The following POLA2 variants were observed in gnomAD, a reference collection of about 807,000 sequenced individuals.
POLA2 encodes the protein DNA polymerase alpha 2, accessory subunit, also known as DNA polymerase alpha subunit B.
A neutral mutation model predicts 82.8 loss-of-function variants in POLA2; 47 were observed. The observed-to-expected ratio is 0.57, with a 90% CI of 0.45 to 0.72. POLA2 has a LOEUF of 0.72. Among genes scored for constraint, POLA2 ranks in the 30% least tolerant of loss-of-function variants. The probability of loss-of-function intolerance (pLI) is 0.00; values close to 1 mark genes in which losing one functional copy is unlikely to be tolerated. For synonymous variants in POLA2, 287 were observed against 286.8 expected, an observed-to-expected ratio of 1.00 and a Z score of -0.01; for missense variants, 634 against 728.1, an observed-to-expected ratio of 0.87 and a Z score of 1.49.
intron 4 of POLA2, among the ~76,000 whole-genome samples, 155 bp from the exon 5 acceptor site, chr11:65,275,737 T>G (rs529802470): frequency 1.3e-5 from 2 of 152,340 alleles, no homozygotes; most frequent in African/African-American, 4.8e-5. Flanking sequence ...TTTTTGAGAT[T>G]ATGCTTGGAT....
chr11:65,292,756 G>A (rs1409571468), intron 13 of POLA2, among the ~76,000 whole-genome samples: 1 of 152,226 alleles, frequency 6.6e-6, no homozygotes, highest in African/African-American at 2.4e-5. Context: ...ACAGTGATAA[G>A]GGTGACAGCT....
chr11:65,302,733 T>A (rs1216080113), downstream of POLA2, among the ~76,000 whole-genome samples: 2 of 151,890 alleles, frequency 1.3e-5, no homozygotes, highest in East Asian at 3.9e-4. Flanking sequence ...TGAATTTTTT[T>A]TTTTATTTTT....
intron 1 of POLA2, 113 bp downstream of exon 1, chr11:65,262,484 A>C: frequency 1.3e-6 from 1 of 790,784 alleles, no homozygotes; most frequent in South Asian, 1.8e-5. Flanking sequence ...CCTGGAGCAG[A>C]GTTCTCGGTG....
Position 65,278,732 on chromosome 11 carries a change from C to T in POLA2, c.464C>T (p.Ala155Val). 1 of 1,612,558 alleles carries T rather than the reference C, an allele frequency of 6.2e-7. No individual in the cohort carries two copies. Among genetic ancestry groups the T allele is most frequent in the Non-Finnish European group, 8.5e-7 (1 of 1,179,284 alleles). ...TAACCTGTTTTGCTTCCAATTAGTG[C>T]TACTCCCTCCCAGAAATACAACTCA... ...LLSPSSFSPS[A>V]TPSQKYNSRS... Residue 155 changes from alanine (A) to valine (V), a missense_variant and splice_region_variant, in exon 6 of 18, where the codon GCT becomes GTT. Coordinates refer to ENST00000265465, the MANE Select transcript of POLA2 (RefSeq NM_002689.4).
intron 5 of POLA2, among the ~76,000 whole-genome samples, chr11:65,278,144 T>C (rs507005): frequency 0.22 from 33,996 of 152,102 alleles, 5,178 homozygotes; most frequent in African/African-American, 0.43. Context: ...GGAGTGGAAA[T>C]GTGAGAACTT....
rs1236859879 is a variant in POLA2, at chr11:65,262,180, G to A, written c.-113G>A. ...CCAGTCACCTCCTGTCACGGTCCGC[G>A]GAGGGGGGAAGGATAAGAGGGCGAG... On this transcript the variant is annotated 5_prime_UTR_variant, in exon 1 of 18. Coordinates refer to ENST00000265465, the MANE Select transcript of POLA2 (RefSeq NM_002689.4). 2.6e-6 allele frequency: 2 copies of A among 771,714 alleles called. No individual in the cohort carries two copies. Among genetic ancestry groups the A allele is most frequent in the Non-Finnish European group, 4.4e-6 (2 of 454,204 alleles). 47.8% of individuals were successfully genotyped at this position (771,714 alleles called of 1,614,324 possible).
chr11:65,299,295 C>T (rs1051474669), downstream of POLA2, among the ~76,000 whole-genome samples: 44 of 152,340 alleles, frequency 2.9e-4, no homozygotes, highest in African/African-American at 1.0e-3. Context: ...GAAATAGTCC[C>T]GAGCTCTTGC....
chr11:65,290,785 G>T (rs1217505825), intron 13 of POLA2, among the ~76,000 whole-genome samples: 1 of 152,220 alleles, frequency 6.6e-6, no homozygotes, highest in African/African-American at 2.4e-5. Flanking sequence ...TTTGAGAAGT[G>T]TTTGATGACT....
intron 1 of POLA2, among the ~76,000 whole-genome samples, chr11:65,262,775 A>G (rs1420431545): frequency 1.3e-5 from 2 of 152,152 alleles, no homozygotes; most frequent in African/African-American, 4.8e-5. Flanking sequence ...TTTCCAGCCT[A>G]CACCTTAAAC....
chr11:65,279,649 T>G, intron 7 of POLA2, 23 bp downstream of exon 7: 1 of 1,491,364 alleles, frequency 6.7e-7, no homozygotes, highest in East Asian at 2.3e-5. Context: ...CTAATAGTTC[T>G]CACTAATTAA....
chr11:65,295,355 C>T (rs1336717720), intron 15 of POLA2, among the ~76,000 whole-genome samples, 185 bp from the exon 16 acceptor site: 1 of 152,178 alleles, frequency 6.6e-6, no homozygotes, highest in Non-Finnish European at 1.5e-5. Context: ...CTGCGTCCCT[C>T]CTCATGTGGG....
At chr11:65,263,804 G>A (rs561890086) in intron 1 of POLA2, among the ~76,000 whole-genome samples, 1 of 151,544 alleles carries the variant, frequency 6.6e-6, no homozygotes, top group East Asian at 2.0e-4. Flanking sequence ...TCTAGCCTGG[G>A]CAACAGGAGC....
intron 15 of POLA2, 22 bp from the exon 16 acceptor site, chr11:65,295,518 C>A: frequency 6.2e-7 from 1 of 1,606,454 alleles, no homozygotes; most frequent in South Asian, 1.1e-5. Context: ...GTTCTGTTTT[C>A]ATGCTTTCTT....
At chr11:65,264,516 T>G (rs1254184033) in intron 1 of POLA2, among the ~76,000 whole-genome samples, 1 of 152,204 alleles carries the variant, frequency 6.6e-6, no homozygotes. Context: ...ACTCTGAGTC[T>G]TCCAGATGAT....
downstream of POLA2, among the ~76,000 whole-genome samples, chr11:65,302,207 A>G (rs1429625702): frequency 6.6e-6 from 1 of 152,102 alleles, no homozygotes; most frequent in Non-Finnish European, 1.5e-5. Flanking sequence ...GCTCACTCCC[A>G]TCGCTCCCAG....
Position 65,297,218 on chromosome 11 carries a change from C to T in POLA2, c.1746C>T (p.Asp582=), listed in dbSNP as rs751246930. 34 of 1,613,730 alleles carry T rather than the reference C, an allele frequency of 2.1e-5. No homozygotes were observed. The highest frequency in any genetic ancestry group is 2.0e-4 in the South Asian group (18 of 91,054). ...TCTACCTTAGGAGGCCGGCAGCGGA[C>T]GGGGCAGAGAGGCAGAGCCCATGCA... ...ARLYLRRPAA[D]GAERQSPCIA... is the part of the protein sequence containing the mutation. Residue 582 remains aspartate, a synonymous_variant, in exon 18 of 18, where the codon GAC becomes GAT. Coordinates refer to ENST00000265465, the MANE Select transcript of POLA2 (RefSeq NM_002689.4).
intron 10 of POLA2, among the ~76,000 whole-genome samples, chr11:65,284,587 G>A (rs561418192): frequency 2.7e-5 from 4 of 149,820 alleles, no homozygotes; most frequent in African/African-American, 7.4e-5. Flanking sequence ...AGTGCAAGGC[G>A]CCATCTCGGC....
chr11:65,284,030 AG>A (rs1949668665), intron 10 of POLA2, among the ~76,000 whole-genome samples: 1 of 151,434 alleles, frequency 6.6e-6, no homozygotes, highest in South Asian at 2.1e-4. Flanking sequence ...GCTGCTCAGG[AG>A]GCTGAGGTGC....
chr11:65,285,618 T>A (rs1186958823), intron 10 of POLA2, among the ~76,000 whole-genome samples: 1 of 151,320 alleles, frequency 6.6e-6, no homozygotes, highest in Non-Finnish European at 1.5e-5. Flanking sequence ...AAATACAAAT[T>A]TATAGGGGGC....
Sources: allele counts gnomAD v4.1 joint callset (sites outside exome capture counted in the v4.1 genomes callset), GRCh38; gene constraint gnomAD v4.1.1; transcripts MANE v1.5; gene names NCBI Gene and HGNC (gene_info 2026-07-23, HGNC 2026-07-21).